Variants in ASAP1 observed in about 807,000 individuals in gnomAD.
The protein encoded by ASAP1 is ArfGAP with SH3 domain, ankyrin repeat and PH domain 1, also known as arf-GAP with SH3 domain, ANK repeat and PH domain-containing protein 1.
A neutral mutation model predicts 145.2 loss-of-function variants in ASAP1; 43 were observed. The observed-to-expected ratio is 0.30, with a 90% confidence interval of 0.23 to 0.38. The LOEUF (loss-of-function observed/expected upper bound fraction) is 0.38. ASAP1 is among the 10% of genes least tolerant of loss of function. ASAP1 has a pLI of 1.00. For synonymous variants in ASAP1, 546 were observed against 515.5 expected (o/e 1.06, Z -0.80); for missense variants, 1,018 against 1,355.3 (o/e 0.75, Z 3.91).
chr8:130,147,903 T>C (rs568214658), intron 13 of ASAP1, among the ~76,000 whole-genome samples: 42 of 152,354 alleles, frequency 2.8e-4, no homozygotes, highest in Middle Eastern at 3.4e-3. Flanking sequence ...TTGGTGTTGG[T>C]TGATTGAGAA....
chr8:130,411,474 G>A (rs1403827773), intron 1 of ASAP1, among the ~76,000 whole-genome samples: 4 of 152,144 alleles, frequency 2.6e-5, no homozygotes, highest in Non-Finnish European at 4.4e-5. Context: ...CTGATAACAT[G>A]CTATTCGTTG....
At chr8:130,186,232 T>C (rs7014715) in intron 7 of ASAP1, among the ~76,000 whole-genome samples, 15,541 of 152,266 alleles carry the variant, frequency 0.1, 937 homozygotes, top group African/African-American at 0.16. Flanking sequence ...TTTTGTTCTC[T>C]GCTGCATTTA....
chr8:130,252,454 G>A (rs1819258634), intron 3 of ASAP1, among the ~76,000 whole-genome samples: 1 of 152,020 alleles, frequency 6.6e-6, no homozygotes, highest in South Asian at 2.1e-4. Flanking sequence ...TATAATACAT[G>A]CAATGCCTGC....
intron 3 of ASAP1, among the ~76,000 whole-genome samples, chr8:130,312,749 C>T (rs1823435959): frequency 1.3e-5 from 2 of 152,188 alleles, no homozygotes; most frequent in African/African-American, 4.8e-5. Context: ...CCATGTTCAA[C>T]CACTGTAGTA....
chr8:130,326,204 A>G (rs1038436283), intron 3 of ASAP1, among the ~76,000 whole-genome samples: 1 of 152,160 alleles, frequency 6.6e-6, no homozygotes, highest in Non-Finnish European at 1.5e-5. Flanking sequence ...TTCCCAGCGC[A>G]TATCCTTACT....
chr8:130,136,486 T>C (rs953094407), intron 14 of ASAP1, among the ~76,000 whole-genome samples: 3 of 152,092 alleles, frequency 2.0e-5, no homozygotes, highest in South Asian at 2.1e-4. Flanking sequence ...TGTACAGATA[T>C]AGTGGCACAT....
chr8:130,317,533 G>A (rs1273079634), intron 3 of ASAP1, among the ~76,000 whole-genome samples: 2 of 152,200 alleles, frequency 1.3e-5, no homozygotes, highest in Non-Finnish European at 2.9e-5. Flanking sequence ...ATGAGCCCAC[G>A]TCCTCCAGGA....
At chr8:130,108,417 G>T (rs143383120) in intron 24 of ASAP1, among the ~76,000 whole-genome samples, 2 of 152,166 alleles carry the variant, frequency 1.3e-5, no homozygotes, top group Non-Finnish European at 2.9e-5. Context: ...CTTGAGATTG[G>T]AATTATCATT....
At position 130,060,638 on chromosome 8, in the gene ASAP1, T is replaced by C. The variant is rs2097417242; in HGVS notation, c.3133A>G (p.Asn1045Asp). The C allele has an allele frequency of 6.2e-7, 1 of 1,614,030 alleles. No homozygotes were observed. Among genetic ancestry groups the C allele is most frequent in the African/African-American group, 1.3e-5 (1 of 74,938 alleles). The change falls in exon 28 of 30, where the codon AAC becomes GAC. Residue 1045 changes from asparagine (N) to aspartate (D), a missense_variant. Asn to Asp is a conservative substitution (Grantham distance 23, BLOSUM62 1). Transcript: ENST00000518721. ...AIQKQASEDS[N>D]DLTPTLPETP... ...TCTGGCAGAGTAGGCGTGAGGTCGTTGGAGTCTTCAGATGCTTGCTTTTGG... is the reference window on the plus strand; with the variant it reads ...TCTGGCAGAGTAGGCGTGAGGTCGTCGGAGTCTTCAGATGCTTGCTTTTGG...
chr8:130,066,786 A>G (rs1447764849), intron 27 of ASAP1, among the ~76,000 whole-genome samples: 2 of 152,212 alleles, frequency 1.3e-5, no homozygotes, highest in African/African-American at 4.8e-5. Flanking sequence ...CCGTAAATTC[A>G]GAGGGCCATA....
intron 4 of ASAP1, among the ~76,000 whole-genome samples, chr8:130,228,269 C>G (rs1386550944): frequency 6.6e-6 from 1 of 152,114 alleles, no homozygotes; most frequent in Non-Finnish European, 1.5e-5. Flanking sequence ...GAACACCCCC[C>G]AAAACATGAC....
At chr8:130,271,487 A>C (rs925600490) in intron 3 of ASAP1, among the ~76,000 whole-genome samples, 1 of 152,230 alleles carries the variant, frequency 6.6e-6, no homozygotes, top group Non-Finnish European at 1.5e-5. Context: ...GGAGAGTAGG[A>C]AGTCAAAATC....
At chr8:130,380,118 C>T (rs1827698363) in intron 2 of ASAP1, among the ~76,000 whole-genome samples, 1 of 152,172 alleles carries the variant, frequency 6.6e-6, no homozygotes, top group Non-Finnish European at 1.5e-5. Flanking sequence ...CCCCCAGAAG[C>T]CCAGCCTGGA....
At chr8:130,199,693 A>G (rs1236870952) in intron 5 of ASAP1, among the ~76,000 whole-genome samples, 1 of 152,216 alleles carries the variant, frequency 6.6e-6, no homozygotes, top group Non-Finnish European at 1.5e-5. Flanking sequence ...TCCAGTTGTA[A>G]CACTCTTACA....
At chr8:130,075,045 T>G (rs541852669) in intron 27 of ASAP1, among the ~76,000 whole-genome samples, 4 of 151,992 alleles carry the variant, frequency 2.6e-5, no homozygotes, top group Non-Finnish European at 5.9e-5. Flanking sequence ...TAAAGCCCCA[T>G]GGGCACTGGG....
intron 15 of ASAP1, 140 bp from the exon 16 acceptor site, chr8:130,128,230 T>A (rs999620597): frequency 2.0e-6 from 1 of 499,446 alleles, no homozygotes; most frequent in South Asian, 5.6e-5. Flanking sequence ...CCTTCCAAAA[T>A]AGCAATAAAG....
chr8:130,179,983 G>T (rs373830152), intron 8 of ASAP1, among the ~76,000 whole-genome samples: 27 of 142,632 alleles, frequency 1.9e-4, no homozygotes, highest in African/African-American at 6.7e-4. Context: ...AAGAGAAAGA[G>T]AATGAGAGAG....
In ASAP1 at chr8:130,116,945, C is replaced by G; in HGVS notation, c.1931G>C (p.Cys644Ser). 6.2e-7 allele frequency: 1 copy of G among 1,613,804 alleles called. No homozygotes were observed. The highest frequency in any genetic ancestry group is 1.1e-5 in the South Asian group (1 of 90,932). The change falls in exon 21 of 30, where the codon TGT becomes TCT. Residue 644 changes from cysteine to serine, a missense_variant. Coordinates refer to ENST00000518721, the MANE Select transcript of ASAP1 (RefSeq NM_018482.4). ...ACACTCAGGTTTACTGTACATACTA[C>G]AGTAGTGTAGAACTGTGTTTCCCAG... ...TALGNTVLHY[C>S]SMYSKPECLK...
At chr8:130,437,385 C>CTA (rs1227921364) in intron 1 of ASAP1, among the ~76,000 whole-genome samples, 1 of 152,186 alleles carries the variant, frequency 6.6e-6, no homozygotes, top group Non-Finnish European at 1.5e-5. Flanking sequence ...ATCTACGAGA[C>CTA]CCTTGTGCTG....
Sources: gnomAD v4.1 joint callset for allele counts (sites outside exome capture counted in the v4.1 genomes callset) on GRCh38, gnomAD v4.1.1 for gene constraint, MANE v1.5 for transcripts, NCBI Gene and HGNC (gene_info 2026-07-23, HGNC 2026-07-21) for gene names.